TENM2: variants seen among roughly 807,000 people sequenced by gnomAD.
TENM2 encodes the protein teneurin transmembrane protein 2, also known as teneurin-2.
Under a neutral mutation model 245.2 loss-of-function variants are expected in TENM2, and 52 were observed. That is an observed-to-expected ratio of 0.21 (90% CI 0.17 to 0.27). TENM2 has a LOEUF of 0.27. Among genes scored for constraint, TENM2 ranks in the 10% least tolerant of loss-of-function variants. The pLI, the probability that TENM2 is intolerant of heterozygous loss-of-function variation, is 1.00. For synonymous variants in TENM2, 1,363 were observed against 1,438.9 expected, an observed-to-expected ratio of 0.95 and a Z score of 1.19; for missense variants, 3,046 against 3,666.8, an observed-to-expected ratio of 0.83 and a Z score of 4.37.
chr5:167,034,263 A>C, the TENM2 span, among the ~76,000 whole-genome samples: 98 of 152,352 alleles, frequency 6.4e-4, no homozygotes, highest in African/African-American at 2.2e-3. Flanking sequence ...ATTGTCCTGC[A>C]TTGGTATCCC....
intron 9 of TENM2, among the ~76,000 whole-genome samples, chr5:168,107,969 C>T (rs146587625): frequency 3.9e-5 from 6 of 152,336 alleles, no homozygotes; most frequent in Non-Finnish European, 7.3e-5. Flanking sequence ...GACAAGCTTC[C>T]AGCAGTCCCC....
At chr5:168,103,458 C>T (rs1054664468) in intron 9 of TENM2, among the ~76,000 whole-genome samples, 1 of 152,158 alleles carries the variant, frequency 6.6e-6, no homozygotes, top group Non-Finnish European at 1.5e-5. Flanking sequence ...CCCTTCATCC[C>T]TTTAACCTGA....
chr5:168,222,195 T>G (rs1479589399), intron 23 of TENM2, among the ~76,000 whole-genome samples: 1 of 152,204 alleles, frequency 6.6e-6, no homozygotes, highest in Non-Finnish European at 1.5e-5. Context: ...AGCTTGCACA[T>G]TAGGTCTTTT....
At chr5:167,883,823 T>C (rs1320822245) in intron 3 of TENM2, among the ~76,000 whole-genome samples, 1 of 152,234 alleles carries the variant, frequency 6.6e-6, no homozygotes, top group Non-Finnish European at 1.5e-5. Context: ...TCAATAGTAA[T>C]TTTTAAAAGT....
chr5:167,226,459 G>C, the TENM2 span, among the ~76,000 whole-genome samples: 1 of 151,848 alleles, frequency 6.6e-6, no homozygotes, highest in South Asian at 2.1e-4. Flanking sequence ...AGTTTCTAGA[G>C]TTCCTCTTGG....
chr5:167,390,549 T>C (rs1018118975), intron 2 of TENM2, among the ~76,000 whole-genome samples: 2 of 152,130 alleles, frequency 1.3e-5, no homozygotes, highest in African/African-American at 2.4e-5. Context: ...TTTCACAAAA[T>C]AGGTAGTTCT....
intron 2 of TENM2, among the ~76,000 whole-genome samples, chr5:167,852,285 G>A (rs1770652517): frequency 6.6e-6 from 1 of 152,174 alleles, no homozygotes; most frequent in African/African-American, 2.4e-5. Flanking sequence ...TTTCAGCTAT[G>A]AAGATATCAT....
At chr5:167,848,933 G>T (rs1394302214) in intron 2 of TENM2, among the ~76,000 whole-genome samples, 1 of 151,764 alleles carries the variant, frequency 6.6e-6, no homozygotes, top group Admixed American at 6.6e-5. Flanking sequence ...GGGTTTTTTT[G>T]GCCACATTGT....
At chr5:167,953,093 A>G (rs1780249848) in intron 4 of TENM2, among the ~76,000 whole-genome samples, 1 of 152,160 alleles carries the variant, frequency 6.6e-6, no homozygotes, top group African/African-American at 2.4e-5. Context: ...AGCATAACAT[A>G]TTTTTACTCG....
At chr5:167,718,517 T>C (rs1192549944) in intron 2 of TENM2, among the ~76,000 whole-genome samples, 1 of 152,090 alleles carries the variant, frequency 6.6e-6, no homozygotes, top group African/African-American at 2.4e-5. Flanking sequence ...GGATGAGCCA[T>C]TGGTAGTATT....
In TENM2 at chr5:167,870,706, C is replaced by CTA. The variant is rs147198597; in HGVS notation, c.503-5262_503-5261dup. 9.3e-3 allele frequency among the ~76,000 whole-genome samples: 1,340 copies of CTA among 144,634 alleles called. 15 individuals are homozygous for CTA. The highest frequency in any genetic ancestry group is 0.02 in the African/African-American group (802 of 39,390). 94.9% of individuals were successfully genotyped at this position (144,634 alleles called of 152,430 possible). ...CTCAGTTCTTGAAATAAAGCAAGAT[C>CTA]TATATATATATATATATATGTGTGA... On this transcript the variant is annotated intron_variant, in intron 2 of 28. Transcript: ENST00000518659.
intron 2 of TENM2, among the ~76,000 whole-genome samples, chr5:167,678,795 G>A (rs537937212): frequency 5.3e-4 from 80 of 152,146 alleles, no homozygotes; most frequent in Admixed American, 9.2e-4. Context: ...CTTCAAATCC[G>A]TATTTTCTCT....
the TENM2 span, among the ~76,000 whole-genome samples, chr5:167,072,016 T>G: frequency 1.3e-5 from 2 of 151,920 alleles, no homozygotes; most frequent in African/African-American, 2.4e-5. Flanking sequence ...GCCATCAGTC[T>G]TAAATTGCTG....
intron 2 of TENM2, among the ~76,000 whole-genome samples, chr5:167,469,273 G>T (rs1310825912): frequency 6.6e-6 from 1 of 152,026 alleles, no homozygotes; most frequent in East Asian, 1.9e-4. Context: ...ATGTTTGATG[G>T]TTACTTAAAA....
chr5:167,234,270 T>G, the TENM2 span, among the ~76,000 whole-genome samples: 1 of 152,194 alleles, frequency 6.6e-6, no homozygotes, highest in Admixed American at 6.5e-5. Context: ...GGAAGTCCTT[T>G]TTTTCTCTTC....
At chr5:168,168,202 A>G (rs1758477936) in intron 13 of TENM2, among the ~76,000 whole-genome samples, 1 of 152,174 alleles carries the variant, frequency 6.6e-6, no homozygotes, top group South Asian at 2.1e-4. Flanking sequence ...TGTCTGATAC[A>G]AGTGTGTTTG....
chr5:168,237,882 C>A, intron 25 of TENM2, among the ~76,000 whole-genome samples: 1 of 151,770 alleles, frequency 6.6e-6, no homozygotes, highest in Non-Finnish European at 1.5e-5. Context: ...GTGGCTCATG[C>A]CTGTAATCCC....
At chr5:167,336,176 C>CTTTTTTTT (rs35059289) in intron 1 of TENM2, among the ~76,000 whole-genome samples, 1 of 83,098 alleles carries the variant, frequency 1.2e-5, no homozygotes, top group East Asian at 3.6e-4. Context: ...TTCATTTCTC[C>CTTTTTTTT]TTTTTTTTTT....
chr5:167,710,739 A>C (rs1758856239), intron 2 of TENM2, among the ~76,000 whole-genome samples: 1 of 152,256 alleles, frequency 6.6e-6, no homozygotes, highest in East Asian at 1.9e-4. Context: ...GCATTGGGAA[A>C]CCACTGAAAG....
Sources: allele counts gnomAD v4.1 joint callset (sites outside exome capture counted in the v4.1 genomes callset), GRCh38; gene constraint gnomAD v4.1.1; transcripts MANE v1.5; gene names NCBI Gene and HGNC (gene_info 2026-07-23, HGNC 2026-07-21).